The following IPO11 variants were observed in gnomAD, a reference collection of about 807,000 sequenced individuals.
IPO11 encodes importin 11.
A neutral mutation model predicts 143.2 loss-of-function variants in IPO11; 66 were observed. The observed-to-expected ratio is 0.46, with a 90% CI of 0.38 to 0.57. The LOEUF is 0.57. IPO11 is among the 20% of genes least tolerant of loss of function. The probability of loss-of-function intolerance (pLI) is 0.00; values close to 1 mark genes in which losing one functional copy is unlikely to be tolerated. For synonymous variants in IPO11, 385 were observed against 377.8 expected, an observed-to-expected ratio of 1.02 and a Z score of -0.22; for missense variants, 1,026 against 1,141.0, an observed-to-expected ratio of 0.90 and a Z score of 1.45.
intron 27 of IPO11, among the ~76,000 whole-genome samples, chr5:62,569,427 A>G (rs1744063181): frequency 6.6e-6 from 1 of 152,132 alleles, no homozygotes; most frequent in Admixed American, 6.5e-5. Context: ...TTGGTGTTCC[A>G]GTGGAGGAAT....
At chr5:62,593,767 A>G (rs1056153636) in intron 28 of IPO11, among the ~76,000 whole-genome samples, 26 of 152,198 alleles carry the variant, frequency 1.7e-4, no homozygotes, top group Admixed American at 1.6e-3. Context: ...CTGGGGTGGT[A>G]CTTTGCATAT....
chr5:62,612,438 A>G (rs1449292232), intron 29 of IPO11, among the ~76,000 whole-genome samples: 1 of 152,188 alleles, frequency 6.6e-6, no homozygotes, highest in East Asian at 1.9e-4. Flanking sequence ...TTCCAGCTGC[A>G]TATCTGAGAA....
At position 62,555,746 on chromosome 5, in the gene IPO11, G is replaced by A. The variant is rs367802760; in HGVS notation, c.2460+4410G>A. Reference sequence around the variant, plus strand: ...TCTTGATCTCCTGACCTCGTGATCCGCCTGCCTCGGCCTCCCAATGTGTTG... The same window carrying A: ...TCTTGATCTCCTGACCTCGTGATCCACCTGCCTCGGCCTCCCAATGTGTTG... On this transcript the variant is annotated intron_variant, in intron 26 of 29. Transcript: ENST00000325324. Among the ~76,000 whole-genome samples, 26 of 152,006 alleles carry A rather than the reference G, an allele frequency of 1.7e-4. No individual in the cohort carries two copies. The East Asian group carries it at 3.3e-3, about 19-fold the overall frequency.
chr5:62,604,666 T>C (rs900907924), intron 29 of IPO11, among the ~76,000 whole-genome samples: 7 of 152,226 alleles, frequency 4.6e-5, no homozygotes, highest in African/African-American at 1.4e-4. Context: ...ATTATTTTTT[T>C]AAGTGGCCGA....
intron 27 of IPO11, chr5:62,578,756 A>G (rs1744417903): frequency 2.1e-6 from 1 of 465,484 alleles, no homozygotes; most frequent in Admixed American, 2.4e-5. Flanking sequence ...AAAGGAACCA[A>G]TGTGAAGAGT....
chr5:62,532,717 A>G (rs915901753), intron 22 of IPO11, among the ~76,000 whole-genome samples: 3 of 152,220 alleles, frequency 2.0e-5, no homozygotes, highest in Non-Finnish European at 4.4e-5. Context: ...TACCAAATCA[A>G]TAAGGACTTT....
chr5:62,610,184 A>G (rs1313076251), intron 29 of IPO11, among the ~76,000 whole-genome samples: 1 of 152,194 alleles, frequency 6.6e-6, no homozygotes, highest in East Asian at 1.9e-4. Context: ...ATAGGCTTGA[A>G]TGCTATGTTA....
chr5:62,603,684 A>T (rs1745592194), intron 29 of IPO11, among the ~76,000 whole-genome samples: 1 of 152,218 alleles, frequency 6.6e-6, no homozygotes, highest in African/African-American at 2.4e-5. Context: ...AGGAAACTGG[A>T]GTACCCAGAG....
At chr5:62,440,281 G>A (rs1744421358) in intron 2 of IPO11, among the ~76,000 whole-genome samples, 1 of 150,744 alleles carries the variant, frequency 6.6e-6, no homozygotes, top group Non-Finnish European at 1.5e-5. Context: ...AACTATATTT[G>A]TAATCTTTTT....
chr5:62,580,031 C>G, intron 27 of IPO11: 2 of 1,551,220 alleles, frequency 1.3e-6, no homozygotes, highest in Non-Finnish European at 1.7e-6. Flanking sequence ...ATATCAGAAT[C>G]AGGCTTTCAA....
chr5:62,599,129 CTA>C lies in IPO11; in HGVS notation c.2679-2633_2679-2632del, dbSNP rs1327822474. Among the ~76,000 whole-genome samples the C allele has an allele frequency of 9.9e-5, 15 of 152,260 alleles. 1 individual carries two copies. The East Asian group carries it at 2.9e-3, about 29-fold the overall frequency. On this transcript the variant is annotated intron_variant, in intron 28 of 29. Coordinates refer to ENST00000325324, the MANE Select transcript of IPO11 (RefSeq NM_016338.5). ...CCATCAAACTCTACTGAATTAGACACTATGGGAGTGGGGCCCAACTGTGCTTT... is the reference window on the plus strand; with the variant it reads ...CCATCAAACTCTACTGAATTAGACACTGGGAGTGGGGCCCAACTGTGCTTT...
chr5:62,614,403 G>A (rs776916414), intron 29 of IPO11, among the ~76,000 whole-genome samples: 19 of 152,176 alleles, frequency 1.2e-4, no homozygotes, highest in Admixed American at 2.6e-4. Flanking sequence ...CCTGCTCCTC[G>A]CCCCTTCCCG....
chr5:62,582,632 G>T (rs762456848), intron 27 of IPO11, among the ~76,000 whole-genome samples: 2 of 152,210 alleles, frequency 1.3e-5, no homozygotes, highest in Non-Finnish European at 1.5e-5. Context: ...CATTTAAGCT[G>T]TGGTTTTGGG....
chr5:62,476,945 T>A lies in IPO11; in HGVS notation c.828+192T>A, dbSNP rs540302245. 1.3e-4 allele frequency among the ~76,000 whole-genome samples: 20 copies of A among 152,310 alleles called. No homozygotes were observed. The East Asian group carries it at 3.8e-3, about 29-fold the overall frequency. On this transcript the variant is annotated intron_variant, in intron 9 of 29. Coordinates refer to ENST00000325324, the MANE Select transcript of IPO11 (RefSeq NM_016338.5). ...ATATAATAATTAAATTTACATACCA[T>A]GTGTCATAGTGTAAGTCACCTTGGT...
chr5:62,483,335 T>A, intron 10 of IPO11, 42 bp downstream of exon 10: 1 of 1,188,030 alleles, frequency 8.4e-7, no homozygotes, highest in Non-Finnish European at 1.2e-6. Context: ...ATTTTAATCT[T>A]AAGTGTGATA....
chr5:62,557,410 C>T (rs10058044), intron 26 of IPO11, among the ~76,000 whole-genome samples: 88,765 of 151,912 alleles, frequency 0.58, 26,198 homozygotes, highest in South Asian at 0.68. Context: ...CTTGAACTCC[C>T]GACTTCAGGT....
At chr5:62,431,167 A>G (rs1290841776) in intron 1 of IPO11, among the ~76,000 whole-genome samples, 1 of 149,504 alleles carries the variant, frequency 6.7e-6, no homozygotes, top group Non-Finnish European at 1.5e-5. Context: ...TTTAGTAGAG[A>G]TGGGGTTTGC....
At chr5:62,425,165 C>G (rs1313117287) in intron 1 of IPO11, among the ~76,000 whole-genome samples, 1 of 152,118 alleles carries the variant, frequency 6.6e-6, no homozygotes, top group Non-Finnish European at 1.5e-5. Flanking sequence ...CCCTGTAATC[C>G]CTGTTACATT....
At chr5:62,557,269 C>T (rs1035901340) in intron 26 of IPO11, among the ~76,000 whole-genome samples, 8 of 152,032 alleles carry the variant, frequency 5.3e-5, no homozygotes, top group Admixed American at 5.2e-4. Flanking sequence ...CTGCAACCTC[C>T]ACCTCCCGGG....
Sources: allele counts gnomAD v4.1 joint callset (sites outside exome capture counted in the v4.1 genomes callset), GRCh38; gene constraint gnomAD v4.1.1; transcripts MANE v1.5; gene names NCBI Gene and HGNC (gene_info 2026-07-23, HGNC 2026-07-21).